Variants in MAP4K1 observed in about 807,000 individuals in gnomAD.
MAP4K1 encodes mitogen-activated protein kinase kinase kinase kinase 1.
In MAP4K1, 35 loss-of-function variants were observed where a neutral mutation model predicts 122.8. The ratio of observed to expected loss-of-function variants is 0.29; its 90% confidence interval spans 0.22 to 0.38. The LOEUF (loss-of-function observed/expected upper bound fraction) is 0.38. Among genes scored for constraint, MAP4K1 ranks in the 10% least tolerant of loss-of-function variants. MAP4K1 has a pLI of 1.00. For synonymous variants in MAP4K1, 412 were observed against 421.3 expected, an observed-to-expected ratio of 0.98 and a Z score of 0.27; for missense variants, 791 against 1,072.6, an observed-to-expected ratio of 0.74 and a Z score of 3.67.
chr19:38,590,754 C>T (rs1300515779), intron 30 of MAP4K1, among the ~76,000 whole-genome samples: 8 of 151,844 alleles, frequency 5.3e-5, no homozygotes, highest in Admixed American at 2.0e-4. Flanking sequence ...GGATGACAGG[C>T]GTGAGCCACC....
rs756085087 is a variant in MAP4K1 at position 38,606,168 on chromosome 19, C to G, written c.1200+5G>C. On this transcript the variant is annotated splice_donor_5th_base_variant and intron_variant, in intron 17 of 30. Coordinates refer to ENST00000396857, the MANE Select transcript of MAP4K1 (RefSeq NM_001042600.3). ...CAGCCTCCCAGCTCTGGCCCAGGGC[C>G]TTACCTTGGGGGGAAGTGGAGGAGG... The G allele has an allele frequency of 3.8e-6, 6 of 1,582,078 alleles. No individual in the cohort carries two copies. The highest frequency in any genetic ancestry group is 5.1e-6 in the Non-Finnish European group (6 of 1,167,858).
intron 29 of MAP4K1, among the ~76,000 whole-genome samples, chr19:38,593,885 AAG>A (rs1237517925): frequency 2.6e-5 from 4 of 152,280 alleles, no homozygotes; most frequent in Admixed American, 6.5e-5. Flanking sequence ...CCATTTCAAA[AAG>A]AGGGAAGGAA....
At chr19:38,610,894 G>C (rs1975477328) in intron 11 of MAP4K1, among the ~76,000 whole-genome samples, 157 bp downstream of exon 11, 1 of 152,064 alleles carries the variant, frequency 6.6e-6, no homozygotes, top group African/African-American at 2.4e-5. Context: ...AACCCGGAGG[G>C]TCTCTGGTGG....
At position 38,590,394 on chromosome 19, in the gene MAP4K1, AATATATATATATATATAT is replaced by A. The variant is rs1163055879; in HGVS notation, c.2397-2595_2397-2578del. On this transcript the variant is annotated intron_variant, in intron 30 of 30. Transcript: ENST00000396857. ...ACCAGAAAAAAAAAAAAAAAAAAAAAATATATATATATATATATATATATATATATATATATATATATA... is the reference window on the plus strand; with the variant it reads ...ACCAGAAAAAAAAAAAAAAAAAAAAAATATATATATATATATATATATATA... 2.9e-3 allele frequency among the ~76,000 whole-genome samples: 50 copies of A among 17,298 alleles called. 1 individual carries two copies. The highest frequency in any genetic ancestry group is 0.01 in the Admixed American group (10 of 990). The allele number at this position is 17,298 out of a possible 152,430, so 11.3% of individuals were successfully genotyped here. A position where few individuals can be genotyped will look rare whatever the true frequency, so the allele number is the denominator to read the frequency against.
chr19:38,592,421 A>C, intron 30 of MAP4K1: 1 of 151,772 alleles, frequency 6.6e-6, no homozygotes, highest in Non-Finnish European at 1.5e-5. Context: ...CTAAAAATAC[A>C]AAAAATAGCC....
chr19:38,605,728 G>A lies in MAP4K1; in HGVS notation c.1203C>T (p.Pro401=), dbSNP rs1300726352. Residue 401 remains proline, a splice_region_variant and synonymous_variant, in exon 18 of 31, where the codon CCC becomes CCT. Coordinates refer to ENST00000396857, the MANE Select transcript of MAP4K1 (RefSeq NM_001042600.3). ...EDTPPPLPPK[P]KFRSPSDEGP... ...CCTCGTCTGATGGAGAACGGAACTT[G>A]GGCTTTGGAGACGGGAATGGAGCGT... is the stretch of plus-strand genomic sequence containing the variant. 6.2e-7 allele frequency: 1 copy of A among 1,603,904 alleles called. No individual in the cohort carries two copies. The highest frequency in any genetic ancestry group is 2.2e-5 in the East Asian group (1 of 44,692).
In MAP4K1 at chr19:38,597,328, A is replaced by G; in HGVS notation, c.1835T>C (p.Val612Ala). The G allele has an allele frequency of 6.2e-7, 1 of 1,613,864 alleles. No individual in the cohort carries two copies. Residue 612 changes from valine (V) to alanine (A), a missense_variant and splice_region_variant, in exon 24 of 31, where the codon GTG (valine) becomes GCG (alanine). Coordinates refer to ENST00000396857, the MANE Select transcript of MAP4K1 (RefSeq NM_001042600.3). This position sits in a 1 kb window ranked among gnomAD's most constrained non-coding sequence, Gnocchi z 4.6. ...ACACCCGTGAAGCTCTCTCTCACCC[A>G]CACAGCACGCCCGGCAGCCTTTGGT... ...QDTKGCRACC[V>A]AEGASSGGPF... is the part of the protein sequence containing the mutation.
At chr19:38,599,781 C>T in intron 22 of MAP4K1, 144 bp downstream of exon 22, 1 of 790,876 alleles carries the variant, frequency 1.3e-6, no homozygotes, top group South Asian at 1.6e-5. Flanking sequence ...GGAGCACAGT[C>T]AAAAAGTGTC....
At chr19:38,602,600 G>GCATATACATATATATACA (rs1599703167) in intron 19 of MAP4K1, among the ~76,000 whole-genome samples, 7 of 102,474 alleles carry the variant, frequency 6.8e-5, no homozygotes, top group South Asian at 3.2e-4. Context: ...ACATATATAC[G>GCATATACATATATATACA]CATATACATA....
intron 17 of MAP4K1, 124 bp from the exon 18 acceptor site, chr19:38,605,854 C>G (rs1975314458): frequency 2.2e-6 from 2 of 916,524 alleles, no homozygotes; most frequent in African/African-American, 3.4e-5. Context: ...ACCCCCCCGA[C>G]AACATCTTGT....
At chr19:38,590,446 C>T (rs531449188) in intron 30 of MAP4K1, among the ~76,000 whole-genome samples, 1 of 110,432 alleles carries the variant, frequency 9.1e-6, no homozygotes, top group Non-Finnish European at 1.8e-5. Flanking sequence ...TAATCACGGG[C>T]GTCACTAGGA....
rs2287734 is a variant in MAP4K1, at chr19:38,609,954, G to A, written c.882C>T (p.Pro294=). ...TGTCCCCAATGGAGGGTCCTTTCCC[G>A]GGATTCTTCAGTTTGTCAAGAAGAT... is the stretch of plus-strand genomic sequence containing the variant. The part of the protein sequence containing the change: ...ILDLLDKLKN[P]GKGPSIGDIE... The change falls in exon 12 of 31, where the codon CCC becomes CCT. Residue 294 remains proline (P), a synonymous_variant. Transcript: ENST00000396857. The A allele has an allele frequency of 0.042, 67,641 of 1,614,028 alleles. 4,372 individuals are homozygous for A. The highest frequency in any genetic ancestry group is 0.26 in the East Asian group (11,510 of 44,842).
At chr19:38,609,555 ATAGGGTC>A in intron 13 of MAP4K1, 34 bp downstream of exon 13, 1 of 1,577,736 alleles carries the variant, frequency 6.3e-7, no homozygotes, top group South Asian at 1.1e-5. Flanking sequence ...TAGGTCTATT[ATAGGGTC>A]AGGTGTCCCC....
chr19:38,610,963 T>C, intron 11 of MAP4K1, 88 bp downstream of exon 11: 1 of 1,186,964 alleles, frequency 8.4e-7, no homozygotes, highest in East Asian at 2.5e-5. Flanking sequence ...CCACGGGGAC[T>C]CCATGGAACA....
At chr19:38,615,848 G>A (rs549530747) in intron 4 of MAP4K1, among the ~76,000 whole-genome samples, 133 of 151,858 alleles carry the variant, frequency 8.8e-4, no homozygotes, top group Middle Eastern at 3.4e-3. Flanking sequence ...TAGTAGAGGC[G>A]GGGTTTCACC....
chr19:38,616,092 T>C, intron 4 of MAP4K1, 103 bp downstream of exon 4: 2 of 796,496 alleles, frequency 2.5e-6, no homozygotes, highest in Non-Finnish European at 3.9e-6. Context: ...AGAAAGACAG[T>C]TCCTGTGAGA....
intron 30 of MAP4K1, chr19:38,589,425 T>A (rs1365438511): frequency 2.6e-5 from 4 of 154,788 alleles, no homozygotes; most frequent in Non-Finnish European, 4.3e-5. Context: ...TACTTCTTTT[T>A]TTTTTTTTGA....
In MAP4K1 at chr19:38,595,993, C is replaced by T. The variant is rs1191077128; in HGVS notation, c.2125G>A (p.Gly709Arg). ...TCTACCTGGGTCACCTGCACGGGTC[C>T]CCTGTGCTCTGTTTGGGGGGAGTGG... ...WLGEMSTEHR[G>R]PVQVTQVEED... Residue 709 changes from glycine (G) to arginine (R), a missense_variant, in exon 27 of 31, where the codon GGA becomes AGA. This residue lies in a region of MAP4K1 where 267 missense variants were observed against 323.0 expected (regional missense o/e 0.83). Transcript: ENST00000396857. 6 of 1,613,922 alleles carry T rather than the reference C, an allele frequency of 3.7e-6. No individual in the cohort carries two copies. The highest frequency in any genetic ancestry group is 5.1e-6 in the Non-Finnish European group (6 of 1,179,916).
At position 38,617,219 on chromosome 19, in the gene MAP4K1, T is replaced by C. The variant is rs1027098494; in HGVS notation, c.248+135A>G. The C allele has an allele frequency of 1.5e-6, 1 of 657,816 alleles. No homozygotes were observed. Among genetic ancestry groups the C allele is most frequent in the Non-Finnish European group, 2.7e-6 (1 of 373,932 alleles). 40.7% of individuals were successfully genotyped at this position (657,816 alleles called of 1,614,324 possible). A position where few individuals can be genotyped will look rare whatever the true frequency, so the allele number is the denominator to read the frequency against. On this transcript the variant is annotated intron_variant, in intron 3 of 30. Coordinates refer to ENST00000396857, the MANE Select transcript of MAP4K1 (RefSeq NM_001042600.3). This position sits in a 1 kb window ranked among gnomAD's most constrained non-coding sequence, Gnocchi z 4.1. ...GAGATCATGCCACTGCACTCCAGCC[T>C]GGCAACAGAACAAGACTCCATCTCA...
Sources: gnomAD v4.1 joint callset for allele counts (sites outside exome capture counted in the v4.1 genomes callset) on GRCh38, gnomAD v4.1.1 for gene constraint, gnomAD v4.1.1 regional missense constraint, Gnocchi (gnomAD v3.1) non-coding constraint, MANE v1.5 for transcripts, NCBI Gene and HGNC (gene_info 2026-07-23, HGNC 2026-07-21) for gene names.